ENKUR: variants seen among roughly 807,000 people sequenced by gnomAD.
ENKUR encodes the protein enkurin, TRPC channel interacting protein.
Under a neutral mutation model 27.6 loss-of-function variants are expected in ENKUR, and 19 were observed. That is an observed-to-expected ratio of 0.69 (90% CI 0.48 to 1.01). The LOEUF is 1.01. ENKUR is among the 50% of genes least tolerant of loss of function. The pLI is 0.00. For synonymous variants in ENKUR, 117 were observed against 96.9 expected, an observed-to-expected ratio of 1.21 and a Z score of -1.22; for missense variants, 312 against 310.5, an observed-to-expected ratio of 1.00 and a Z score of -0.04.
At chr10:25,048,915 G>A (rs1851152109) in intron 2 of ENKUR, among the ~76,000 whole-genome samples, 1 of 151,970 alleles carries the variant, frequency 6.6e-6, no homozygotes, top group Non-Finnish European at 1.5e-5. Flanking sequence ...CAATGTTATG[G>A]GGAAAAGGGA....
At position 25,057,428 on chromosome 10, in the gene ENKUR, C is replaced by CACACACAA. The variant is rs57431152; in HGVS notation, c.37+3683_37+3684insTTGTGTGT. Among the ~76,000 whole-genome samples, 275 of 132,034 alleles carry CACACACAA rather than the reference C, an allele frequency of 2.1e-3. 7 individuals carry two copies. The highest frequency in any genetic ancestry group is 7.3e-3 in the Middle Eastern group (2 of 274). 86.6% of individuals were successfully genotyped at this position (132,034 alleles called of 152,430 possible). A position where few individuals can be genotyped will look rare whatever the true frequency, so the allele number is the denominator to read the frequency against. On this transcript the variant is annotated intron_variant, in intron 2 of 5. Coordinates refer to the ENKUR transcript ENST00000615958. The stretch of plus-strand genomic sequence containing the variant: ...ACACACACACACACACACACACACA[C>CACACACAA]AATGCCCTTAAATCGCTCTTCAGTT...
chr10:25,051,326 G>A (rs901920882), intron 2 of ENKUR, among the ~76,000 whole-genome samples: 2 of 152,174 alleles, frequency 1.3e-5, no homozygotes, highest in Non-Finnish European at 2.9e-5. Context: ...TTCCTGCAAA[G>A]CTGTGTTGGG....
intron 1 of ENKUR, among the ~76,000 whole-genome samples, chr10:25,012,009 A>G (rs1588664882): frequency 6.6e-6 from 1 of 152,198 alleles, no homozygotes; most frequent in South Asian, 2.1e-4. Context: ...TGCTTTGTGC[A>G]ATCTTGGGAC....
At chr10:25,053,093 A>T (rs201086549) in intron 2 of ENKUR, among the ~76,000 whole-genome samples, 77 of 149,522 alleles carry the variant, frequency 5.1e-4, no homozygotes, top group African/African-American at 1.9e-3. Flanking sequence ...AAAAAAAAAA[A>T]GGACTGGAGG....
intron 2 of ENKUR, 83 bp downstream of exon 2, chr10:24,999,318 T>C: frequency 7.3e-7 from 1 of 1,365,880 alleles, no homozygotes; most frequent in South Asian, 1.4e-5. Flanking sequence ...CCTGTGCATG[T>C]TTAATATTCA....
intron 2 of ENKUR, among the ~76,000 whole-genome samples, chr10:25,046,930 C>G (rs1343879126): frequency 6.6e-6 from 1 of 152,126 alleles, no homozygotes; most frequent in African/African-American, 2.4e-5. Flanking sequence ...TCAGTAGAAG[C>G]TATTTTATTT....
At chr10:25,009,465 C>T (rs1208095717) in intron 1 of ENKUR, among the ~76,000 whole-genome samples, 3 of 152,116 alleles carry the variant, frequency 2.0e-5, no homozygotes, top group African/African-American at 7.2e-5. Flanking sequence ...TAATAATTTG[C>T]ATGTTGATGT....
chr10:25,029,802 T>C (rs1183074921), intron 2 of ENKUR, among the ~76,000 whole-genome samples: 1 of 152,190 alleles, frequency 6.6e-6, no homozygotes, highest in Non-Finnish European at 1.5e-5. Context: ...GTTGCCAATG[T>C]CATGGAAAAG....
In ENKUR at chr10:24,984,330, T is replaced by C. The variant is rs370276776; in HGVS notation, c.*40A>G. The C allele has an allele frequency of 1.3e-5, 21 of 1,588,594 alleles. No individual in the cohort carries two copies. In the African/African-American group the frequency reaches 2.7e-4, roughly 21 times the overall value. ...AGAAGGCACGTGTTACTATTTCCAGTTCAAAATACTTAACAGTTTTCAAAG... is the reference window on the plus strand; with the variant it reads ...AGAAGGCACGTGTTACTATTTCCAGCTCAAAATACTTAACAGTTTTCAAAG... On this transcript the variant is annotated 3_prime_UTR_variant, in exon 6 of 6. Coordinates refer to ENST00000331161, the MANE Select transcript of ENKUR (RefSeq NM_145010.4).
chr10:24,988,484 G>A (rs904290445), intron 4 of ENKUR, among the ~76,000 whole-genome samples: 28 of 144,600 alleles, frequency 1.9e-4, no homozygotes, highest in South Asian at 4.3e-4. Context: ...TATAAAATAC[G>A]TATAAATAGA....
At chr10:25,044,571 A>G (rs1251876605) in intron 2 of ENKUR, among the ~76,000 whole-genome samples, 2 of 151,982 alleles carry the variant, frequency 1.3e-5, no homozygotes, top group Non-Finnish European at 1.5e-5. Flanking sequence ...TAATTTTTTC[A>G]TATTTTGTAG....
chr10:25,024,313 C>A, intron 2 of ENKUR: 2 of 1,614,190 alleles, frequency 1.2e-6, no homozygotes, highest in South Asian at 1.1e-5. Context: ...TATTTTTGCA[C>A]ACTGTATCCC....
chr10:25,057,426 C>CAA (rs1370801557), intron 2 of ENKUR, among the ~76,000 whole-genome samples: 1 of 131,922 alleles, frequency 7.6e-6, no homozygotes. Flanking sequence ...CACACACACA[C>CAA]ACAATGCCCT....
chr10:24,988,316 GTATATATATTTATATATGTGTA>G (rs1301420165), intron 4 of ENKUR, among the ~76,000 whole-genome samples: 83 of 141,094 alleles, frequency 5.9e-4, no homozygotes, highest in Middle Eastern at 7.3e-3. Context: ...TTATATGTGT[GTATATATATTTATATATGTGTA>G]TATATATATT....
intron 4 of ENKUR, among the ~76,000 whole-genome samples, chr10:24,988,356 GTGTATATATATT>G (rs1229413637): frequency 4.9e-5 from 7 of 141,520 alleles, no homozygotes; most frequent in Non-Finnish European, 9.1e-5. Flanking sequence ...ATTTATATAT[GTGTATATATATT>G]TATATATGTA....
Position 24,984,917 on chromosome 10 carries a change from C to G in ENKUR, c.595-12G>C. On this transcript the variant is annotated splice_polypyrimidine_tract_variant and intron_variant, in intron 4 of 5. Coordinates refer to ENST00000331161, the MANE Select transcript of ENKUR (RefSeq NM_145010.4). Reference sequence around the variant, plus strand: ...TTCTTTTTCAGCCCCTGCAAATGGTCAAGAAACTTGTAAATACCAAAGCAA... The same window carrying G: ...TTCTTTTTCAGCCCCTGCAAATGGTGAAGAAACTTGTAAATACCAAAGCAA... The G allele has an allele frequency of 6.2e-7, 1 of 1,605,480 alleles. No homozygotes were observed. The highest frequency in any genetic ancestry group is 1.1e-5 in the South Asian group (1 of 88,672).
chr10:25,017,758 G>C (rs1850636371), upstream of ENKUR, among the ~76,000 whole-genome samples: 3 of 151,616 alleles, frequency 2.0e-5, no homozygotes, highest in African/African-American at 7.3e-5. Context: ...TTTAGATCTA[G>C]ATCCAAATCT....
chr10:24,984,674 T>C (rs1849741600), intron 5 of ENKUR, 62 bp downstream of exon 5: 1 of 1,470,822 alleles, frequency 6.8e-7, no homozygotes, highest in Non-Finnish European at 9.1e-7. Flanking sequence ...TGGAGTTTTT[T>C]ATATTTTCCA....
At chr10:25,053,124 AATTTTCAGTTAGGCACCTTTTTTC>A (rs1158181517) in intron 2 of ENKUR, among the ~76,000 whole-genome samples, 11 of 152,094 alleles carry the variant, frequency 7.2e-5, no homozygotes, top group Middle Eastern at 3.4e-3. Context: ...GGAGGAAACT[AATTTTCAGTTAGGCACCTTTTTTC>A]ATTTTTTAAA....
Sources: gnomAD v4.1 joint callset for allele counts (sites outside exome capture counted in the v4.1 genomes callset) on GRCh38, gnomAD v4.1.1 for gene constraint, MANE v1.5 for transcripts, NCBI Gene and HGNC (gene_info 2026-07-23, HGNC 2026-07-21) for gene names.